UBAC2: variants seen among roughly 807,000 people sequenced by gnomAD.
UBAC2 encodes UBA domain containing 2.
A neutral mutation model predicts 44.0 loss-of-function variants in UBAC2; 26 were observed. That is an observed-to-expected ratio of 0.59 (90% CI 0.43 to 0.82). The LOEUF is 0.82. Ranked by LOEUF, UBAC2 falls within the 40% of genes least tolerant of loss-of-function variation. UBAC2 has a pLI of 0.00. For synonymous variants in UBAC2, 155 were observed against 154.3 expected, an observed-to-expected ratio of 1.00 and a Z score of -0.04; for missense variants, 329 against 419.4, an observed-to-expected ratio of 0.78 and a Z score of 1.88.
rs555174846 is a variant in UBAC2, at chr13:99,341,620, T to A, written c.807+1055T>A. Among the ~76,000 whole-genome samples, 4 of 151,860 alleles carry A rather than the reference T, an allele frequency of 2.6e-5. No individual in the cohort carries two copies. The East Asian group carries it at 7.7e-4, about 29-fold the overall frequency. On this transcript the variant is annotated intron_variant, in intron 7 of 8. Coordinates refer to ENST00000403766, the MANE Select transcript of UBAC2 (RefSeq NM_001144072.2). ...CTACATATATATATAGGTGATGGAG[T>A]CACCTCTGTAGGGATGAGAGCTGAG... is the stretch of plus-strand genomic sequence containing the variant.
intron 4 of UBAC2, among the ~76,000 whole-genome samples, chr13:99,279,696 GAGA>G (rs2043928397): frequency 6.6e-6 from 1 of 152,210 alleles, no homozygotes; most frequent in Non-Finnish European, 1.5e-5. Flanking sequence ...TCTGGAGGCT[GAGA>G]AGTCCAGGAT....
At chr13:99,256,928 G>C (rs1237553660) in intron 4 of UBAC2, among the ~76,000 whole-genome samples, 1 of 152,168 alleles carries the variant, frequency 6.6e-6, no homozygotes, top group African/African-American at 2.4e-5. Context: ...TGCAGAGTGG[G>C]CTGTCTTGAA....
intron 4 of UBAC2, among the ~76,000 whole-genome samples, chr13:99,273,003 T>G (rs907809569): frequency 7.1e-6 from 1 of 141,168 alleles, no homozygotes; most frequent in Non-Finnish European, 1.6e-5. Flanking sequence ...CAGGTTACTC[T>G]TTTTTTTTTT....
chr13:99,378,608 T>C (rs1452732249), intron 8 of UBAC2, among the ~76,000 whole-genome samples: 1 of 152,244 alleles, frequency 6.6e-6, no homozygotes, highest in Non-Finnish European at 1.5e-5. Context: ...TTTTACCTGT[T>C]AGGAGGTCAG....
chr13:99,219,011 T>C (rs983636376), intron 1 of UBAC2, among the ~76,000 whole-genome samples: 19 of 152,228 alleles, frequency 1.2e-4, no homozygotes, highest in African/African-American at 4.3e-4. Flanking sequence ...TGAAAAACTT[T>C]ATGAGAAAGT....
chr13:99,220,646 C>T (rs973871808), intron 1 of UBAC2, among the ~76,000 whole-genome samples: 3 of 151,810 alleles, frequency 2.0e-5, no homozygotes, highest in African/African-American at 7.3e-5. Context: ...TTGTAGCATC[C>T]CTGTTTTCAA....
At chr13:99,316,763 G>A (rs1378090217) in intron 5 of UBAC2, among the ~76,000 whole-genome samples, 2 of 152,206 alleles carry the variant, frequency 1.3e-5, no homozygotes, top group Non-Finnish European at 2.9e-5. Context: ...TTGCGTATGA[G>A]ACCTGGAAGA....
intron 4 of UBAC2, among the ~76,000 whole-genome samples, chr13:99,303,154 G>A (rs989672491): frequency 6.6e-6 from 1 of 152,184 alleles, no homozygotes; most frequent in East Asian, 1.9e-4. Flanking sequence ...ATAGATCTGC[G>A]AAAGGCCATT....
intron 1 of UBAC2, among the ~76,000 whole-genome samples, chr13:99,230,860 C>G (rs1186904964): frequency 6.6e-6 from 1 of 152,076 alleles, no homozygotes; most frequent in African/African-American, 2.4e-5. Context: ...ACCAGCCTGG[C>G]CAATATGGTG....
chr13:99,380,234 C>T (rs1026401907), intron 8 of UBAC2, among the ~76,000 whole-genome samples: 1 of 152,136 alleles, frequency 6.6e-6, no homozygotes, highest in African/African-American at 2.4e-5. Context: ...GAATGCTTAA[C>T]GTGTGTTTTG....
intron 4 of UBAC2, among the ~76,000 whole-genome samples, chr13:99,287,903 C>T (rs921492274): frequency 2.6e-5 from 4 of 152,268 alleles, no homozygotes; most frequent in African/African-American, 7.2e-5. Flanking sequence ...CATATACTTT[C>T]ATTACTCTCT....
intron 8 of UBAC2, among the ~76,000 whole-genome samples, chr13:99,372,897 G>A (rs2045426990): frequency 6.6e-6 from 1 of 152,120 alleles, no homozygotes; most frequent in Non-Finnish European, 1.5e-5. Context: ...GACGGATCAC[G>A]AGGTCAGGAG....
intron 7 of UBAC2, among the ~76,000 whole-genome samples, chr13:99,356,830 C>A (rs969122686): frequency 6.6e-6 from 1 of 152,202 alleles, no homozygotes; most frequent in Non-Finnish European, 1.5e-5. Context: ...ATGGTTTCTT[C>A]TGGGCCTCGC....
Position 99,295,401 on chromosome 13 carries a change from T to C in UBAC2, c.390-18696T>C. The C allele has an allele frequency of 5.6e-6, 9 of 1,614,040 alleles. No homozygotes were observed. The highest frequency in any genetic ancestry group is 6.8e-6 in the Non-Finnish European group (8 of 1,179,986). The stretch of plus-strand genomic sequence containing the variant: ...AAACAGAGAACAAACACAACAATAA[T>C]AAGAATAATTGTGTTGAGAGCCTTT... On this transcript the variant is annotated intron_variant, in intron 4 of 8. Transcript: ENST00000403766. The surrounding 1 kb of genome is among the most constrained non-coding windows in gnomAD (Gnocchi z 4.1).
chr13:99,335,882 C>G (rs2044781820), intron 6 of UBAC2, among the ~76,000 whole-genome samples: 1 of 152,018 alleles, frequency 6.6e-6, no homozygotes, highest in Non-Finnish European at 1.5e-5. Context: ...CCATCCTTAC[C>G]AAAACCTCAC....
chr13:99,307,889 CTG>C (rs1594111565), intron 4 of UBAC2: 1 of 152,298 alleles, frequency 6.6e-6, no homozygotes, highest in East Asian at 1.9e-4. Context: ...AAACAGGTTT[CTG>C]TGGCGTGGGG....
chr13:99,216,568 T>C (rs541811327), intron 1 of UBAC2, among the ~76,000 whole-genome samples: 3 of 152,328 alleles, frequency 2.0e-5, no homozygotes, highest in African/African-American at 7.2e-5. Flanking sequence ...ACTGGTGCTG[T>C]AGTGGTAATG....
Position 99,367,823 on chromosome 13 carries a change from T to C in UBAC2, c.844T>C (p.Leu282=). The change falls in exon 8 of 9, where the codon TTA becomes CTA. Residue 282 remains leucine, a synonymous_variant. Coordinates refer to ENST00000403766, the MANE Select transcript of UBAC2 (RefSeq NM_001144072.2). ...MINWNRLFPP[L]RQRQNVNYQG... is the part of the protein sequence containing the mutation. ...CAATTGGAATCGTCTTTTTCCTCCT[T>C]TACGTCAGCGACAAAACGTAAACTA... 1 of 1,614,000 alleles carries C rather than the reference T, an allele frequency of 6.2e-7. No homozygotes were observed. Among genetic ancestry groups the C allele is most frequent in the African/African-American group, 1.3e-5 (1 of 75,042 alleles).
chr13:99,257,331 C>T (rs192021741), intron 4 of UBAC2, among the ~76,000 whole-genome samples: 17 of 152,218 alleles, frequency 1.1e-4, no homozygotes, highest in African/African-American at 4.1e-4. Flanking sequence ...AACTGGAATG[C>T]ATTCTTATTA....
Sources: gnomAD v4.1 joint callset for allele counts (sites outside exome capture counted in the v4.1 genomes callset) on GRCh38, gnomAD v4.1.1 for gene constraint, Gnocchi (gnomAD v3.1) non-coding constraint, MANE v1.5 for transcripts, NCBI Gene and HGNC (gene_info 2026-07-23, HGNC 2026-07-21) for gene names.